The following EYS variants were observed in gnomAD, a reference collection of about 807,000 sequenced individuals.
EYS encodes the protein protein eyes shut homolog.
EYS carries 250 observed loss-of-function variants against 282.1 expected under a neutral mutation model. The ratio of observed to expected loss-of-function variants is 0.89; its 90% confidence interval spans 0.80 to 0.98. EYS has a LOEUF of 0.98. Ranked by LOEUF, EYS falls within the 50% of genes least tolerant of loss-of-function variation. The probability of loss-of-function intolerance (pLI) is 0.00; values close to 1 mark genes in which losing one functional copy is unlikely to be tolerated. For synonymous variants in EYS, 1,355 were observed against 1,282.9 expected (o/e 1.06, Z -1.20); for missense variants, 4,016 against 3,709.0 (o/e 1.08, Z -2.15).
chr6:64,050,048 A>G (rs959159648), intron 33 of EYS, among the ~76,000 whole-genome samples: 8 of 152,184 alleles, frequency 5.3e-5, no homozygotes, highest in Non-Finnish European at 8.8e-5. Context: ...ATTAGGGGAA[A>G]GAAAGTCACA....
chr6:64,545,119 C>A (rs1197660187), intron 26 of EYS, among the ~76,000 whole-genome samples: 6 of 152,132 alleles, frequency 3.9e-5, no homozygotes, highest in Non-Finnish European at 7.4e-5. Flanking sequence ...CAAAAATCCT[C>A]AATAAAATAC....
At chr6:65,535,973 G>A (rs975876938) in intron 2 of EYS, among the ~76,000 whole-genome samples, 5 of 151,726 alleles carry the variant, frequency 3.3e-5, no homozygotes, top group Admixed American at 2.0e-4. Context: ...TGCTATCAAC[G>A]GACAATATAA....
intron 32 of EYS, among the ~76,000 whole-genome samples, chr6:64,071,187 C>T (rs1442506571): frequency 6.6e-6 from 1 of 151,972 alleles, no homozygotes; most frequent in Non-Finnish European, 1.5e-5. Flanking sequence ...AAGAATGGTT[C>T]AGAGAAAGGT....
intron 2 of EYS, among the ~76,000 whole-genome samples, chr6:65,578,480 G>C (rs1432923917): frequency 6.6e-6 from 1 of 151,556 alleles, no homozygotes; most frequent in East Asian, 1.9e-4. Context: ...TTGGTCAAAG[G>C]ACACAAAATT....
intron 33 of EYS, among the ~76,000 whole-genome samples, chr6:64,000,175 T>C (rs1768019824): frequency 3.1e-5 from 1 of 32,442 alleles, no homozygotes; most frequent in South Asian, 1.2e-3. Context: ...GGACTTTTTT[T>C]TTTTTTTTTT....
chr6:65,350,764 A>C (rs1770568722), intron 9 of EYS, among the ~76,000 whole-genome samples: 1 of 151,706 alleles, frequency 6.6e-6, no homozygotes, highest in Non-Finnish European at 1.5e-5. Flanking sequence ...GCTCTTTCTC[A>C]AGATGTGCAC....
chr6:64,208,994 A>C (rs1453725634), intron 31 of EYS, among the ~76,000 whole-genome samples: 15 of 152,082 alleles, frequency 9.9e-5, no homozygotes, highest in Non-Finnish European at 2.2e-4. Context: ...ATTTTTTTCT[A>C]CTATGTTATT....
intron 35 of EYS, among the ~76,000 whole-genome samples, chr6:63,925,655 G>A (rs1181001436): frequency 6.6e-6 from 1 of 152,066 alleles, no homozygotes; most frequent in Non-Finnish European, 1.5e-5. Flanking sequence ...TTGTTTGTTT[G>A]TTTTTTGAGA....
intron 12 of EYS, among the ~76,000 whole-genome samples, chr6:65,154,128 C>T (rs900018768): frequency 1.3e-5 from 2 of 151,716 alleles, no homozygotes; most frequent in African/African-American, 4.8e-5. Context: ...GTCTTTTGAA[C>T]CTCACAGTGC....
At chr6:63,837,920 C>A (rs1771849489) in intron 36 of EYS, among the ~76,000 whole-genome samples, 1 of 152,150 alleles carries the variant, frequency 6.6e-6, no homozygotes, top group African/African-American at 2.4e-5. Context: ...AGTGAAGGCA[C>A]ATGAATTTTG....
intron 2 of EYS, among the ~76,000 whole-genome samples, chr6:65,532,347 C>A (rs541755202): frequency 2.6e-4 from 40 of 152,100 alleles, no homozygotes; most frequent in Middle Eastern, 3.4e-3. Context: ...TAATATTTTT[C>A]TTTGATCCAA....
chr6:65,192,644 T>C (rs1461369237), intron 12 of EYS, among the ~76,000 whole-genome samples: 1 of 151,782 alleles, frequency 6.6e-6, no homozygotes, highest in Non-Finnish European at 1.5e-5. Flanking sequence ...TTGTCCCCAC[T>C]AAAACTAATG....
At chr6:64,811,856 T>C (rs1764605481) in intron 22 of EYS, among the ~76,000 whole-genome samples, 2 of 152,148 alleles carry the variant, frequency 1.3e-5, no homozygotes, top group South Asian at 4.1e-4. Context: ...TATTCTGTTA[T>C]AGCAACACTA....
chr6:63,867,329 T>C (rs1026686953), intron 35 of EYS, among the ~76,000 whole-genome samples: 1 of 152,204 alleles, frequency 6.6e-6, no homozygotes, highest in African/African-American at 2.4e-5. Context: ...ATCCCTAAAT[T>C]TTTAAAAATT....
At chr6:64,793,130 T>C (rs934393070) in intron 22 of EYS, among the ~76,000 whole-genome samples, 2 of 152,074 alleles carry the variant, frequency 1.3e-5, no homozygotes, top group Non-Finnish European at 2.9e-5. Flanking sequence ...CTAGTACTAT[T>C]TATGAGAACA....
Position 65,494,761 on chromosome 6 carries a change from C to A in EYS, c.650G>T (p.Cys217Phe), listed in dbSNP as rs1222379109. 1 of 1,614,018 alleles carries A rather than the reference C, an allele frequency of 6.2e-7. No individual in the cohort carries two copies. Among genetic ancestry groups the A allele is most frequent in the African/African-American group, 1.3e-5 (1 of 75,042 alleles). Residue 217 changes from cysteine (C) to phenylalanine (F), a missense_variant, in exon 4 of 43, where the codon TGT (cysteine) becomes TTT (phenylalanine). Transcript: ENST00000503581. ...ATTATTTTTACATGGTTTAAAAGAA[C>A]ATGCATCAAGTTCCTGGCAGTATTT... The part of the protein sequence containing the change: ...SGKYCQELDA[C>F]SFKPCKNNGS...
At position 63,814,889 on chromosome 6, in the gene EYS, A is replaced by T. The variant is rs115401763; in HGVS notation, c.7229-8517T>A. ...CATAAGCTGTGCAGGTTTATACTGG[A>T]TTACATTCCCTTGGTTAGTAGTTTA... On this transcript the variant is annotated intron_variant, in intron 36 of 42. Transcript: ENST00000503581. Among the ~76,000 whole-genome samples, 1,014 of 152,298 alleles carry T rather than the reference A, an allele frequency of 6.7e-3. 11 individuals carry two copies. The highest frequency in any genetic ancestry group is 0.022 in the African/African-American group (935 of 41,560).
At chr6:65,004,436 T>C (rs1213438771) in intron 13 of EYS, among the ~76,000 whole-genome samples, 2 of 147,540 alleles carry the variant, frequency 1.4e-5, no homozygotes, top group African/African-American at 4.9e-5. Context: ...CTACAATAAT[T>C]GCAGCCGCTG....
intron 31 of EYS, among the ~76,000 whole-genome samples, chr6:64,093,978 T>C (rs1772478303): frequency 6.6e-6 from 1 of 152,212 alleles, no homozygotes; most frequent in Non-Finnish European, 1.5e-5. Context: ...TTGTTGAATT[T>C]TGTCAAAGAC....
Sources: allele counts gnomAD v4.1 joint callset (sites outside exome capture counted in the v4.1 genomes callset), GRCh38; gene constraint gnomAD v4.1.1; transcripts MANE v1.5; gene names NCBI Gene and HGNC (gene_info 2026-07-23, HGNC 2026-07-21).